EML2: variants seen among roughly 807,000 people sequenced by gnomAD.
EML2 encodes echinoderm microtubule-associated protein-like 2.
Under a neutral mutation model 84.7 loss-of-function variants are expected in EML2, and 59 were observed. That is an observed-to-expected ratio of 0.70 (90% CI 0.56 to 0.86). EML2 has a LOEUF of 0.86. Among genes scored for constraint, EML2 ranks in the 40% least tolerant of loss-of-function variants. The pLI is 0.00. For synonymous variants in EML2, 352 were observed against 348.9 expected, an observed-to-expected ratio of 1.01 and a Z score of -0.10; for missense variants, 818 against 855.6, an observed-to-expected ratio of 0.96 and a Z score of 0.55.
chr19:45,637,806 A>G (rs1436907116), intron 3 of EML2, among the ~76,000 whole-genome samples: 2 of 150,552 alleles, frequency 1.3e-5, no homozygotes, highest in East Asian at 3.9e-4. Flanking sequence ...TCTCCCGAGT[A>G]GCTAGGTTTA....
chr19:45,623,275 C>T lies in EML2; in HGVS notation c.841+1444G>A, dbSNP rs555494960. ...TTGGGAGGCTGAGGCAGGAGAATGG[C>T]GTGAACCCAGGAGGCAGAGCTTGCA... On this transcript the variant is annotated intron_variant, in intron 9 of 18. Transcript: ENST00000245925. 5.3e-5 allele frequency among the ~76,000 whole-genome samples: 8 copies of T among 151,534 alleles called. No individual in the cohort carries two copies. The South Asian group carries it at 1.5e-3, about 28-fold the overall frequency.
chr19:45,630,134 G>A, intron 6 of EML2, 88 bp from the exon 7 acceptor site: 1 of 963,030 alleles, frequency 1.0e-6, no homozygotes, highest in Non-Finnish European at 1.6e-6. Flanking sequence ...TCACCACACA[G>A]GCCTGTTTTA....
intron 7 of EML2, 57 bp from the exon 8 acceptor site, chr19:45,626,896 A>G: frequency 6.6e-7 from 1 of 1,508,254 alleles, no homozygotes; most frequent in Non-Finnish European, 8.9e-7. Flanking sequence ...AGGCTACTAT[A>G]CCCGCCCCTC....
At chr19:45,639,757 G>A (rs1468129263), upstream of EML2, among the ~76,000 whole-genome samples, 1 of 152,172 alleles carries the variant, frequency 6.6e-6, no homozygotes, top group Admixed American at 6.6e-5. Flanking sequence ...ACTTTGGGAG[G>A]CCGAGGCGGG....
upstream of EML2, chr19:45,642,116 C>G (rs1401969189): frequency 6.8e-7 from 1 of 1,478,062 alleles, no homozygotes; most frequent in Non-Finnish European, 8.9e-7. Flanking sequence ...TCCCACCCCT[C>G]CAGTCTAACG....
At chr19:45,627,775 GC>G (rs1972544369) in intron 7 of EML2, among the ~76,000 whole-genome samples, 1 of 152,120 alleles carries the variant, frequency 6.6e-6, no homozygotes, top group South Asian at 2.1e-4. Flanking sequence ...AAAAAGTGAG[GC>G]TCAGGCTGGG....
intron 18 of EML2, among the ~76,000 whole-genome samples, chr19:45,612,456 T>C (rs12460853): frequency 0.29 from 44,544 of 152,042 alleles, 7,519 homozygotes; most frequent in East Asian, 0.39. Context: ...GTGGAGAGGA[T>C]TGCTCAAGCC....
chr19:45,645,263 G>A, upstream of EML2: 1 of 1,533,026 alleles, frequency 6.5e-7, no homozygotes, highest in Non-Finnish European at 8.7e-7. Context: ...GAACTGAGGA[G>A]GGGTCTCACC....
intron 6 of EML2, chr19:45,632,650 A>G (rs1461292496): frequency 1.8e-6 from 1 of 553,408 alleles, no homozygotes; most frequent in Admixed American, 3.1e-5. Context: ...GGCCCTAGGC[A>G]CTGGGTTTAA....
chr19:45,621,438 G>GA (rs767794282), intron 10 of EML2, 45 bp downstream of exon 10: 9 of 1,591,382 alleles, frequency 5.7e-6, no homozygotes, highest in Non-Finnish European at 7.7e-6. Flanking sequence ...GGTGAGATCG[G>GA]GGGGGGCCTC....
Position 45,616,507 on chromosome 19 carries a change from G to A in EML2, c.1463C>T (p.Thr488Met), listed in dbSNP as rs370545238. ...GACCTTGCGGCCGCCCTGGTCCACC[G>A]TGTACACGTACACCAAGTTGTCGTG... ...GSHDNLVYVY[T>M]VDQGGRKVSR... is the part of the protein sequence containing the mutation. The change falls in exon 15 of 19, where the codon ACG becomes ATG. Residue 488 changes from threonine to methionine, a missense_variant. Transcript: ENST00000245925. 5 of 1,609,410 alleles carry A rather than the reference G, an allele frequency of 3.1e-6. No individual in the cohort carries two copies. Among genetic ancestry groups the A allele is most frequent in the Non-Finnish European group, 3.4e-6 (4 of 1,176,852 alleles).
intron 12 of EML2, 73 bp from the exon 13 acceptor site, chr19:45,617,770 G>C: frequency 2.9e-6 from 4 of 1,397,418 alleles, no homozygotes; most frequent in Non-Finnish European, 4.0e-6. Flanking sequence ...TCTTGCCTCA[G>C]GGCCAAGTCT....
intron 3 of EML2, among the ~76,000 whole-genome samples, chr19:45,635,149 T>C (rs929758348): frequency 6.6e-6 from 1 of 150,986 alleles, no homozygotes; most frequent in African/African-American, 2.4e-5. Context: ...ACGCGCGGCC[T>C]GTTTTGTTTT....
intron 18 of EML2, among the ~76,000 whole-genome samples, chr19:45,611,763 C>T (rs1323782463): frequency 1.3e-5 from 2 of 152,138 alleles, no homozygotes; most frequent in Non-Finnish European, 2.9e-5. Context: ...GCTGGGATTA[C>T]AGGCGTGAGC....
chr19:45,614,666 C>A lies in EML2; in HGVS notation c.1632G>T (p.Ala544=). The change falls in exon 17 of 19, where the codon GCG becomes GCT. Residue 544 remains alanine, a synonymous_variant. Transcript: ENST00000245925. ...CCCATTCCATGTTCCTCACAGCATC[C>A]GCACTGGTGATCTGCTTACAGGTAG... ...DPATCKQITS[A]DAVRNMEWAT... 8 of 1,614,044 alleles carry A rather than the reference C, an allele frequency of 5.0e-6. No homozygotes were observed. The highest frequency in any genetic ancestry group is 3.3e-5 in the South Asian group (3 of 91,080).
upstream of EML2, among the ~76,000 whole-genome samples, chr19:45,645,086 T>TG: frequency 6.6e-6 from 1 of 151,690 alleles, no homozygotes; most frequent in Non-Finnish European, 1.5e-5. Flanking sequence ...TCCAAGTGGA[T>TG]GGGGGGCTGG....
At chr19:45,632,344 T>A (rs1403333395) in intron 6 of EML2, among the ~76,000 whole-genome samples, 1 of 151,804 alleles carries the variant, frequency 6.6e-6, no homozygotes, top group East Asian at 1.9e-4. Context: ...CTCAGACTAA[T>A]TTTTGTACTG....
intron 16 of EML2, among the ~76,000 whole-genome samples, chr19:45,615,474 C>A (rs953346095): frequency 1.3e-5 from 2 of 150,238 alleles, no homozygotes; most frequent in Non-Finnish European, 3.0e-5. Context: ...GCCGAGATCG[C>A]GCCACTGCAC....
intron 8 of EML2, among the ~76,000 whole-genome samples, chr19:45,625,085 T>G: frequency 6.6e-6 from 1 of 151,786 alleles, no homozygotes; most frequent in South Asian, 2.1e-4. Context: ...CTCTTTCTTT[T>G]GAGATACAGT....
Sources: gnomAD v4.1 joint callset for allele counts (sites outside exome capture counted in the v4.1 genomes callset) on GRCh38, gnomAD v4.1.1 for gene constraint, MANE v1.5 for transcripts, NCBI Gene and HGNC (gene_info 2026-07-23, HGNC 2026-07-21) for gene names.